PRKAR2A: variants seen among roughly 807,000 people sequenced by gnomAD.
PRKAR2A encodes cAMP-dependent protein kinase type II-alpha regulatory subunit.
Under a neutral mutation model 51.9 loss-of-function variants are expected in PRKAR2A, and 29 were observed. The ratio of observed to expected loss-of-function variants is 0.56; its 90% CI spans 0.42 to 0.76. PRKAR2A has a LOEUF of 0.76. PRKAR2A is among the 30% of genes least tolerant of loss of function. The pLI is 0.00. For synonymous variants in PRKAR2A, 178 were observed against 186.2 expected, an observed-to-expected ratio of 0.96 and a Z score of 0.36; for missense variants, 445 against 512.1, an observed-to-expected ratio of 0.87 and a Z score of 1.26.
At position 48,847,837 on chromosome 3, in the gene PRKAR2A, C is replaced by T; in HGVS notation, c.-241G>A. 2.7e-6 allele frequency: 1 copy of T among 371,318 alleles called. No homozygotes were observed. The highest frequency in any genetic ancestry group is 4.7e-6 in the Non-Finnish European group (1 of 212,826). 23.0% of individuals were successfully genotyped at this position (371,318 alleles called of 1,614,324 possible). A position where few individuals can be genotyped will look rare whatever the true frequency, so the allele number is the denominator to read the frequency against. On this transcript the variant is annotated 5_prime_UTR_variant, in exon 1 of 11. Coordinates refer to ENST00000265563, the MANE Select transcript of PRKAR2A (RefSeq NM_004157.4). This position sits in a 1 kb window ranked among gnomAD's most constrained non-coding sequence, Gnocchi z 4.4. ...CGCCGCCGCCGCGGGGACCGACGGG[C>T]AGGCGAGCTGGACGGGCGGGGCAGG...
In PRKAR2A at chr3:48,748,799, T is replaced by C. The variant is rs2081602127; in HGVS notation, c.*2786A>G. The C allele has an allele frequency of 6.6e-6, 1 of 152,214 alleles. No homozygotes were observed. Among genetic ancestry groups the C allele is most frequent in the Non-Finnish European group, 1.5e-5 (1 of 68,034 alleles). 9.4% of individuals were successfully genotyped at this position (152,214 alleles called of 1,614,324 possible). A position where few individuals can be genotyped will look rare whatever the true frequency, so the allele number is the denominator to read the frequency against. On this transcript the variant is annotated 3_prime_UTR_variant, in exon 11 of 11. Transcript: ENST00000265563. ...CCTGTTTTCTGAATTTACTTTCTGATAATAAAGTAACACCATGGAAAAGAA... is the reference window on the plus strand; with the variant it reads ...CCTGTTTTCTGAATTTACTTTCTGACAATAAAGTAACACCATGGAAAAGAA...
chr3:48,779,219 C>T (rs2107276534), intron 5 of PRKAR2A, among the ~76,000 whole-genome samples: 1 of 152,244 alleles, frequency 6.6e-6, no homozygotes, highest in African/African-American at 2.4e-5. Flanking sequence ...CTTGGCCTCC[C>T]AAAGTGCTGG....
chr3:48,751,779 C>A, intron 10 of PRKAR2A, 61 bp from the exon 11 acceptor site: 2 of 1,562,574 alleles, frequency 1.3e-6, no homozygotes, highest in South Asian at 1.2e-5. Flanking sequence ...TCATGCAAAC[C>A]TTTTCCTAAA....
At chr3:48,782,236 A>T (rs1307327608) in intron 5 of PRKAR2A, among the ~76,000 whole-genome samples, 1 of 152,104 alleles carries the variant, frequency 6.6e-6, no homozygotes, top group African/African-American at 2.4e-5. Flanking sequence ...CAAATATTTA[A>T]TCTTTTCCTA....
In PRKAR2A at chr3:48,813,696, A is replaced by AAAAAC. The variant is rs201402882; in HGVS notation, c.263-6017_263-6013dup. 0.019 allele frequency among the ~76,000 whole-genome samples: 2,822 copies of AAAAAC among 152,002 alleles called. 140 individuals are homozygous for AAAAAC. The East Asian group carries it at 0.19, about 10-fold the overall frequency. On this transcript the variant is annotated intron_variant, in intron 1 of 10. Transcript: ENST00000265563. ...GCAACAGAGCGAGACTCCATCTCAA[A>AAAAAC]AAAACAAAACAAAACAAAACAAAAC... is the stretch of plus-strand genomic sequence containing the variant.
At chr3:48,838,917 G>C (rs975320150) in intron 1 of PRKAR2A, among the ~76,000 whole-genome samples, 9 of 151,820 alleles carry the variant, frequency 5.9e-5, no homozygotes, top group Non-Finnish European at 1.3e-4. Context: ...CTGGGAGGTG[G>C]AGCTTGCAGT....
chr3:48,780,832 T>C lies in PRKAR2A; in HGVS notation c.542+2154A>G, dbSNP rs552833610. ...AAAAATTTGAATAAGGTGCATACAT[T>C]AGATGTAGTATTGTATAAATGTTAA... On this transcript the variant is annotated intron_variant, in intron 5 of 10. Coordinates refer to ENST00000265563, the MANE Select transcript of PRKAR2A (RefSeq NM_004157.4). 1.9e-3 allele frequency among the ~76,000 whole-genome samples: 294 copies of C among 152,228 alleles called. 3 individuals carry two copies. The Middle Eastern group carries it at 0.02, about 11-fold the overall frequency.
At chr3:48,807,837 T>A (rs557629734) in intron 1 of PRKAR2A, among the ~76,000 whole-genome samples, 153 bp from the exon 2 acceptor site, 2 of 152,276 alleles carry the variant, frequency 1.3e-5, no homozygotes, top group South Asian at 2.1e-4. Flanking sequence ...TCACAAATAG[T>A]TGTTCAATGT....
chr3:48,837,814 A>G (rs1325978154), intron 1 of PRKAR2A, among the ~76,000 whole-genome samples: 1 of 152,168 alleles, frequency 6.6e-6, no homozygotes, highest in Non-Finnish European at 1.5e-5. Flanking sequence ...GGAAAAAAAA[A>G]AAAAAAGTAC....
chr3:48,808,052 T>C (rs1197177912), intron 1 of PRKAR2A, among the ~76,000 whole-genome samples: 2 of 146,442 alleles, frequency 1.4e-5, no homozygotes, highest in Non-Finnish European at 3.0e-5. Context: ...TTCTTTCTTT[T>C]TTTTTTTTTT....
intron 2 of PRKAR2A, among the ~76,000 whole-genome samples, chr3:48,805,548 C>T (rs2082666107): frequency 6.6e-6 from 1 of 152,176 alleles, no homozygotes; most frequent in Non-Finnish European, 1.5e-5. Context: ...TCACCTATTG[C>T]AAGTTACTTA....
chr3:48,756,443 C>T lies in PRKAR2A; in HGVS notation c.875G>A (p.Gly292Asp). The T allele has an allele frequency of 6.2e-7, 1 of 1,613,200 alleles. No homozygotes were observed. The highest frequency in any genetic ancestry group is 1.6e-4 in the Middle Eastern group (1 of 6,062). ...YKDGERIITQ[G>D]EKADSFYIIE... ...GATGTAAAAGCTATCAGCCTTTTCA[C>T]CCTGAAAGAAAAGAGAGGTCAGGTC... Residue 292 changes from glycine to aspartate, a missense_variant and splice_region_variant, in exon 9 of 11, where the codon GGT (glycine) becomes GAT (aspartate). Gly to Asp is a moderately conservative substitution (Grantham distance 94). Coordinates refer to ENST00000265563, the MANE Select transcript of PRKAR2A (RefSeq NM_004157.4).
At chr3:48,760,378 A>T (rs921032706) in intron 8 of PRKAR2A, among the ~76,000 whole-genome samples, 1 of 151,814 alleles carries the variant, frequency 6.6e-6, no homozygotes, top group South Asian at 2.1e-4. Flanking sequence ...ACAAAACAAA[A>T]CAAAACACAA....
At chr3:48,815,004 C>G (rs923538861) in intron 1 of PRKAR2A, among the ~76,000 whole-genome samples, 31 of 152,158 alleles carry the variant, frequency 2.0e-4, no homozygotes, top group African/African-American at 7.5e-4. Flanking sequence ...CTCCACCTCC[C>G]AGGTTCAAGT....
At chr3:48,786,481 C>T (rs962404986) in intron 4 of PRKAR2A, among the ~76,000 whole-genome samples, 1 of 149,722 alleles carries the variant, frequency 6.7e-6, no homozygotes, top group African/African-American at 2.4e-5. Flanking sequence ...ACTCAGTAAT[C>T]TTCCTCTCAG....
At chr3:48,795,893 A>AT (rs1168459159) in intron 2 of PRKAR2A, among the ~76,000 whole-genome samples, 2 of 152,202 alleles carry the variant, frequency 1.3e-5, no homozygotes, top group African/African-American at 2.4e-5. Flanking sequence ...ACACACAGAT[A>AT]TTTTTTTTAC....
chr3:48,746,564 GAC>G, downstream of PRKAR2A: 1 of 152,158 alleles, frequency 6.6e-6, no homozygotes, highest in Admixed American at 6.6e-5. Flanking sequence ...CGTAACATAA[GAC>G]TGCACCAGAA....
rs201402882 is a variant in PRKAR2A, at chr3:48,813,696, A to AAAAACAAAAC, written c.263-6022_263-6013dup. Reference sequence around the variant, plus strand: ...GCAACAGAGCGAGACTCCATCTCAAAAAAACAAAACAAAACAAAACAAAAC... The same window carrying AAAAACAAAAC: ...GCAACAGAGCGAGACTCCATCTCAAAAAAACAAAACAAAACAAAACAAAACAAAACAAAAC... On this transcript the variant is annotated intron_variant, in intron 1 of 10. Transcript: ENST00000265563. 3.0e-4 allele frequency among the ~76,000 whole-genome samples: 46 copies of AAAAACAAAAC among 152,012 alleles called. No homozygotes were observed. In the East Asian group the frequency reaches 6.1e-3, roughly 20 times the overall value.
At chr3:48,783,400 G>T (rs2082234547) in intron 4 of PRKAR2A, among the ~76,000 whole-genome samples, 1 of 152,154 alleles carries the variant, frequency 6.6e-6, no homozygotes, top group African/African-American at 2.4e-5. Flanking sequence ...ACTGTCACCT[G>T]CCTGATGGCT....
Sources: gnomAD v4.1 joint callset for allele counts (sites outside exome capture counted in the v4.1 genomes callset) on GRCh38, gnomAD v4.1.1 for gene constraint, Gnocchi (gnomAD v3.1) non-coding constraint, MANE v1.5 for transcripts, NCBI Gene and HGNC (gene_info 2026-07-23, HGNC 2026-07-21) for gene names.